Variants in ABCA4 observed in about 807,000 individuals in gnomAD.
The protein encoded by ABCA4 is retinal-specific phospholipid-transporting ATPase ABCA4.
In ABCA4, 196 loss-of-function variants were observed where a neutral mutation model predicts 263.7. The observed-to-expected ratio is 0.74, with a 90% CI of 0.66 to 0.84. The LOEUF (loss-of-function observed/expected upper bound fraction) is 0.84. Ranked by LOEUF, ABCA4 falls within the 40% of genes least tolerant of loss-of-function variation. The pLI is 0.00. For synonymous variants in ABCA4, 1,133 were observed against 1,094.2 expected (o/e 1.04, Z -0.70); for missense variants, 2,792 against 2,855.1 (o/e 0.98, Z 0.50).
intron 19 of ABCA4, among the ~76,000 whole-genome samples, chr1:94,046,305 T>A (rs12728492): frequency 0.02 from 1,821 of 91,092 alleles, 60 homozygotes; most frequent in African/African-American, 0.021. Flanking sequence ...AAAAAAAAAA[T>A]ACAAAAATTA....
intron 1 of ABCA4, among the ~76,000 whole-genome samples, chr1:94,115,287 G>A (rs1316093593): frequency 6.6e-6 from 1 of 152,158 alleles, no homozygotes; most frequent in African/African-American, 2.4e-5. Context: ...TGCAATATTG[G>A]CTTTCTATCA....
At chr1:94,056,282 A>G (rs1660975254) in intron 15 of ABCA4, among the ~76,000 whole-genome samples, 1 of 152,234 alleles carries the variant, frequency 6.6e-6, no homozygotes, top group Admixed American at 6.5e-5. Flanking sequence ...CTTCTCAAAG[A>G]GTAGGAAAGG....
rs757975622 is a variant in ABCA4, at chr1:94,021,877, C to T, written c.4742G>A (p.Ser1581Asn). ...ITGEALVGFL[S>N]DLGRIMNVSG... ...CACATTCATGATCCGGCCAAGGTCGCTTAAAAACCCAACAAGTGCTTCCCC... is the reference window on the plus strand; with the variant it reads ...CACATTCATGATCCGGCCAAGGTCGTTTAAAAACCCAACAAGTGCTTCCCC... The change falls in exon 33 of 50, where the codon AGC becomes AAC. Residue 1581 changes from serine (S) to asparagine (N), a missense_variant. Transcript: ENST00000370225. 1.2e-6 allele frequency: 2 copies of T among 1,614,198 alleles called. No individual in the cohort carries two copies. The highest frequency in any genetic ancestry group is 2.2e-5 in the South Asian group (2 of 91,084).
At chr1:94,034,197 C>T (rs772133549) in intron 26 of ABCA4, among the ~76,000 whole-genome samples, 2 of 152,122 alleles carry the variant, frequency 1.3e-5, no homozygotes, top group Non-Finnish European at 2.9e-5. Context: ...AAGCAGCTGA[C>T]CCAATCATTA....
intron 37 of ABCA4, among the ~76,000 whole-genome samples, chr1:94,015,119 G>T (rs1336020421): frequency 6.6e-6 from 1 of 152,198 alleles, no homozygotes; most frequent in African/African-American, 2.4e-5. Context: ...GAAAGATGTG[G>T]AGAACAATGC....
At chr1:94,016,535 A>G (rs1571254700) in intron 36 of ABCA4, among the ~76,000 whole-genome samples, 1 of 152,134 alleles carries the variant, frequency 6.6e-6, no homozygotes, top group Non-Finnish European at 1.5e-5. Context: ...ATGGTGGCAG[A>G]GTTGGGCACT....
intron 35 of ABCA4, among the ~76,000 whole-genome samples, chr1:94,020,677 C>T (rs372522348): frequency 4.6e-5 from 7 of 152,340 alleles, no homozygotes; most frequent in African/African-American, 1.2e-4. Flanking sequence ...GACCCCACAA[C>T]GTTGCTGAAG....
chr1:94,080,731 A>G lies in ABCA4; in HGVS notation c.859-13T>C, dbSNP rs1246188478. On this transcript the variant is annotated splice_polypyrimidine_tract_variant and intron_variant, in intron 7 of 49. Coordinates refer to ENST00000370225, the MANE Select transcript of ABCA4 (RefSeq NM_000350.3). Reference sequence around the variant, plus strand: ...GCCGATGGATAAACTAGGGCAAGGCAAAGTCTTCAGGTTATTTTAAGGCAG... The same window carrying G: ...GCCGATGGATAAACTAGGGCAAGGCGAAGTCTTCAGGTTATTTTAAGGCAG... 1 of 1,614,158 alleles carries G rather than the reference A, an allele frequency of 6.2e-7. No individual in the cohort carries two copies. The highest frequency in any genetic ancestry group is 1.1e-5 in the South Asian group (1 of 91,064).
At chr1:94,118,732 A>G (rs1570439731) in intron 1 of ABCA4, among the ~76,000 whole-genome samples, 1 of 152,202 alleles carries the variant, frequency 6.6e-6, no homozygotes, top group East Asian at 1.9e-4. Flanking sequence ...CCTCAGCCCG[A>G]GTGGCTCCAT....
chr1:94,007,682 G>C lies in ABCA4; in HGVS notation c.5957C>G (p.Thr1986Ser). The change falls in exon 43 of 50, where the codon ACT becomes AGT. Residue 1986 changes from threonine (T) to serine (S), a missense_variant. Coordinates refer to ENST00000370225, the MANE Select transcript of ABCA4 (RefSeq NM_000350.3). Reference protein sequence around the residue: ...AGKTTTFKMLTGDTTVTSGDA... With the variant: ...AGKTTTFKMLSGDTTVTSGDA... ...CCCTGAGGTCACTGTGGTGTCCCCAGTGAGCATCTTGAATGTGGTTGTTTT... is the reference window on the plus strand; with the variant it reads ...CCCTGAGGTCACTGTGGTGTCCCCACTGAGCATCTTGAATGTGGTTGTTTT... The C allele has an allele frequency of 6.2e-7, 1 of 1,614,122 alleles. No individual in the cohort carries two copies. The highest frequency in any genetic ancestry group is 1.1e-5 in the South Asian group (1 of 91,076).
At chr1:94,047,704 G>A (rs996524720) in intron 18 of ABCA4, among the ~76,000 whole-genome samples, 1 of 152,036 alleles carries the variant, frequency 6.6e-6, no homozygotes, top group African/African-American at 2.4e-5. Flanking sequence ...TTTGACTAAG[G>A]CTTCTTGCTC....
intron 35 of ABCA4, 144 bp from the exon 36 acceptor site, chr1:94,019,903 A>G: frequency 2.4e-6 from 2 of 840,836 alleles, no homozygotes; most frequent in South Asian, 2.9e-5. Flanking sequence ...TGAAGCTGTC[A>G]CTCCACTAAA....
intron 47 of ABCA4, among the ~76,000 whole-genome samples, chr1:93,998,713 A>ATTTTATTTTAT (rs1553186205): frequency 8.2e-5 from 11 of 133,634 alleles, no homozygotes; most frequent in African/African-American, 3.2e-4. Context: ...ATTTTATTTT[A>ATTTTATTTTAT]TTTATTTTAT....
At chr1:93,996,032 C>T in intron 49 of ABCA4, 77 bp downstream of exon 49, 1 of 1,393,066 alleles carries the variant, frequency 7.2e-7, no homozygotes, top group Non-Finnish European at 1.0e-6. Context: ...CTTGGAGCAA[C>T]TCAAGCCCAG....
At chr1:94,011,471 G>C (rs1390944680) in intron 38 of ABCA4, 86 bp from the exon 39 acceptor site, 1 of 1,599,582 alleles carries the variant, frequency 6.3e-7, no homozygotes, top group Non-Finnish European at 8.5e-7. Flanking sequence ...GCTCTCACAG[G>C]ACAGCACAGG....
chr1:94,083,438 G>A lies in ABCA4; in HGVS notation c.772C>T (p.Pro258Ser), dbSNP rs780691922. Reference protein sequence around the residue: ...VDFFKLFRVLPTLLDSRSQGI... With the variant: ...VDFFKLFRVLSTLLDSRSQGI... ...TGAGAACGGCTGTCTAGGAGTGTGG[G>A]AAGCTGTAATTGACAGTAAAACAAT... Residue 258 changes from proline (P) to serine (S), a missense_variant, in exon 7 of 50, where the codon CCC becomes TCC. Transcript: ENST00000370225. The A allele has an allele frequency of 1.3e-5, 21 of 1,612,654 alleles. No homozygotes were observed. The Admixed American group carries it at 3.3e-4, about 26-fold the overall frequency.
At chr1:94,107,137 C>G (rs1028465432) in intron 4 of ABCA4, among the ~76,000 whole-genome samples, 2 of 152,190 alleles carry the variant, frequency 1.3e-5, no homozygotes, top group African/African-American at 4.8e-5. Flanking sequence ...TACAGCCTCT[C>G]CCATTCCCCT....
chr1:94,082,335 C>G (rs1030795028), intron 7 of ABCA4, among the ~76,000 whole-genome samples: 1 of 152,210 alleles, frequency 6.6e-6, no homozygotes, highest in East Asian at 1.9e-4. Context: ...GACTTGCTAT[C>G]TAGACAGTCA....
intron 2 of ABCA4, 88 bp from the exon 3 acceptor site, chr1:94,111,667 G>T: frequency 2.7e-6 from 4 of 1,508,472 alleles, no homozygotes; most frequent in Non-Finnish European, 2.8e-6. Flanking sequence ...TTGGGAAGGG[G>T]CCCGGGCCCC....
Sources: allele counts gnomAD v4.1 joint callset (sites outside exome capture counted in the v4.1 genomes callset), GRCh38; gene constraint gnomAD v4.1.1; transcripts MANE v1.5; gene names NCBI Gene and HGNC (gene_info 2026-07-23, HGNC 2026-07-21).